The following MCM9 variants were observed in gnomAD, a reference collection of about 807,000 sequenced individuals.
MCM9 encodes DNA helicase MCM9.
A neutral mutation model predicts 72.8 loss-of-function variants in MCM9; 55 were observed. The ratio of observed to expected loss-of-function variants is 0.76; its 90% CI spans 0.61 to 0.95. MCM9 has a LOEUF of 0.95. MCM9 is among the 40% of genes least tolerant of loss of function. The probability of loss-of-function intolerance (pLI) is 0.00; values close to 1 mark genes in which losing one functional copy is unlikely to be tolerated. For missense variants in MCM9, 1,279 were observed against 1,377.0 expected (o/e 0.93, Z 1.13); for synonymous variants, 480 against 503.4 (o/e 0.95, Z 0.62).
chr6:118,895,834 A>C (rs1219228524), intron 8 of MCM9, among the ~76,000 whole-genome samples: 1 of 152,182 alleles, frequency 6.6e-6, no homozygotes, highest in Non-Finnish European at 1.5e-5. Flanking sequence ...GTGGCATGTA[A>C]AACTTTTCAT....
At chr6:118,926,479 T>C (rs1781903415) in intron 3 of MCM9, among the ~76,000 whole-genome samples, 1 of 152,248 alleles carries the variant, frequency 6.6e-6, no homozygotes, top group African/African-American at 2.4e-5. Context: ...CACTTTCGCA[T>C]ACTCATAAAG....
At chr6:118,856,658 T>C in intron 8 of MCM9, 113 bp from the exon 9 acceptor site, 1 of 1,150,300 alleles carries the variant, frequency 8.7e-7, no homozygotes, top group Non-Finnish European at 1.2e-6. Flanking sequence ...GTGAGAAGAT[T>C]TCTTGAACAC....
chr6:118,902,538 T>TG (rs1483884206), intron 8 of MCM9, among the ~76,000 whole-genome samples: 7 of 151,426 alleles, frequency 4.6e-5, no homozygotes, highest in East Asian at 3.9e-4. Context: ...CTTTTTTTTT[T>TG]TTTTTTTTGG....
chr6:118,907,621 A>G, intron 8 of MCM9: 1 of 1,607,264 alleles, frequency 6.2e-7, no homozygotes. Context: ...GTGACCACCT[A>G]CCATCCCTTT....
intron 12 of MCM9, 103 bp from the exon 13 acceptor site, chr6:118,826,395 C>T: frequency 8.6e-7 from 1 of 1,167,830 alleles, no homozygotes; most frequent in Admixed American, 2.9e-5. Flanking sequence ...CCGCCGTTTA[C>T]ACCCCTATAC....
intron 4 of MCM9, among the ~76,000 whole-genome samples, 171 bp downstream of exon 4, chr6:118,923,640 G>C (rs1162637679): frequency 3.3e-5 from 5 of 152,092 alleles, no homozygotes; most frequent in African/African-American, 2.4e-5. Flanking sequence ...TGATTGCATG[G>C]TTTCTAAAGA....
intron 8 of MCM9, among the ~76,000 whole-genome samples, chr6:118,904,289 G>C (rs1780014409): frequency 6.6e-6 from 1 of 152,174 alleles, no homozygotes; most frequent in Non-Finnish European, 1.5e-5. Flanking sequence ...TTTTAGCCTA[G>C]GACACTAGGT....
chr6:118,922,725 G>C (rs1187489315), intron 4 of MCM9, among the ~76,000 whole-genome samples: 1 of 152,156 alleles, frequency 6.6e-6, no homozygotes, highest in Non-Finnish European at 1.5e-5. Context: ...CATCAGAAGA[G>C]AAGCCATGTA....
intron 9 of MCM9, among the ~76,000 whole-genome samples, chr6:118,852,385 T>C (rs1426078970): frequency 1.3e-5 from 2 of 152,176 alleles, no homozygotes; most frequent in Non-Finnish European, 2.9e-5. Flanking sequence ...TACAGCTTTA[T>C]GTCTTCTCCT....
chr6:118,925,762 C>A (rs1353152173), intron 3 of MCM9, among the ~76,000 whole-genome samples: 5 of 152,084 alleles, frequency 3.3e-5, no homozygotes, highest in Admixed American at 3.3e-4. Context: ...TCGTTCATAT[C>A]CTAGAATGTT....
At chr6:118,933,488 G>A (rs1782616323) in intron 1 of MCM9, among the ~76,000 whole-genome samples, 1 of 143,296 alleles carries the variant, frequency 7.0e-6, no homozygotes, top group African/African-American at 2.6e-5. Context: ...CCCGGGCACA[G>A]AGCGAGACTC....
chr6:118,856,509 C>T lies in MCM9; in HGVS notation c.1187G>A (p.Trp396Ter), dbSNP rs1443169294. The T allele has an allele frequency of 2.6e-6, 4 of 1,535,516 alleles. No homozygotes were observed. Among genetic ancestry groups the T allele is most frequent in the African/African-American group, 2.7e-5 (2 of 73,032 alleles). ...TVTAVKDSGE[W>*]NLEAGALVLA... ...AACTAATGCCCCAGCCTCCAAATTC[C>T]ATTCTCCTGAGTCTTTTACAGCAGT... Residue 396 changes from tryptophan (W) to a stop codon, truncating the protein, a stop_gained, in exon 9 of 14, where the codon TGG (tryptophan) becomes TAG (stop). Coordinates refer to ENST00000619706, the MANE Select transcript of MCM9 (RefSeq NM_017696.3). LOFTEE classifies it high-confidence loss of function.
intron 13 of MCM9, among the ~76,000 whole-genome samples, chr6:118,824,273 T>TA (rs1299719806): frequency 2.0e-5 from 3 of 152,062 alleles, no homozygotes; most frequent in Non-Finnish European, 2.9e-5. Flanking sequence ...TGATAATTGT[T>TA]AAAGTTCTGC....
intron 13 of MCM9, among the ~76,000 whole-genome samples, chr6:118,823,650 C>T (rs542942545): frequency 4.6e-5 from 7 of 152,268 alleles, no homozygotes; most frequent in African/African-American, 1.7e-4. Flanking sequence ...CTTTAGAAAG[C>T]CTTTCCTGAC....
rs117779637 is a variant in MCM9, at chr6:118,902,448, C to T, written c.1150+9202G>A. 7.5e-3 allele frequency among the ~76,000 whole-genome samples: 1,147 copies of T among 151,988 alleles called. 8 individuals are homozygous for T. Among genetic ancestry groups the T allele is most frequent in the South Asian group, 0.029 (138 of 4,796 alleles). ...ATAAAAAAGCAGGACTTGCTCTGACCCACAGGCCTAAGGAACCCATACTTT... is the reference window on the plus strand; with the variant it reads ...ATAAAAAAGCAGGACTTGCTCTGACTCACAGGCCTAAGGAACCCATACTTT... On this transcript the variant is annotated intron_variant, in intron 8 of 13. Transcript: ENST00000619706.
rs376739285 is a variant in MCM9, at chr6:118,931,481, G to A, written c.243C>T (p.Leu81=). The part of the protein sequence containing the change: ...SALRRSALTI[L]QSLSQPEAVS... The stretch of plus-strand genomic sequence containing the variant: ...CAGCCTCAGGCTGAGAAAGGGACTG[G>A]AGAATTGTCAAGGCTGACCTTCGCA... The change falls in exon 3 of 14, where the codon CTC becomes CTT. Residue 81 remains leucine, a synonymous_variant. Coordinates refer to ENST00000619706, the MANE Select transcript of MCM9 (RefSeq NM_017696.3). The A allele has an allele frequency of 2.5e-6, 4 of 1,614,012 alleles. No homozygotes were observed. In the African/African-American group the frequency reaches 4.0e-5, roughly 16 times the overall value.
rs769565369 is a variant in MCM9, at chr6:118,931,690, C to T, written c.34G>A (p.Val12Met). Reference protein sequence around the residue: ...NSDQVTLVGQVFESYVSEYHK... With the variant: ...NSDQVTLVGQMFESYVSEYHK... ...TATTCCGAAACATATGACTCAAACA[C>T]TTGACCAACCAGTGTAACTTGATCG... The change falls in exon 3 of 14, where the codon GTG becomes ATG. Residue 12 changes from valine to methionine, a missense_variant. Val to Met is a conservative substitution (Grantham distance 21, BLOSUM62 1). Transcript: ENST00000619706. 7.6e-5 allele frequency: 122 copies of T among 1,613,626 alleles called. No homozygotes were observed. The East Asian group carries it at 2.6e-3, about 34-fold the overall frequency.
chr6:118,861,126 G>A (rs867700225), intron 8 of MCM9, among the ~76,000 whole-genome samples: 7 of 152,190 alleles, frequency 4.6e-5, no homozygotes, highest in African/African-American at 7.2e-5. Flanking sequence ...TGCCAGCTGT[G>A]GTGGAGCGGG....
chr6:118,915,023 ACTT>A lies in MCM9; in HGVS notation c.905-1606_905-1604del, dbSNP rs1039429805. Among the ~76,000 whole-genome samples, 3 of 152,230 alleles carry A rather than the reference ACTT, an allele frequency of 2.0e-5. No individual in the cohort carries two copies. In the East Asian group the frequency reaches 5.8e-4, roughly 29 times the overall value. ...TAATAACTGGCATATAGTGGGAACT[ACTT>A]AACTGTAACTGTTAGCTATTTTATT... On this transcript the variant is annotated intron_variant, in intron 6 of 13. Transcript: ENST00000619706.
Sources: gnomAD v4.1 joint callset for allele counts (sites outside exome capture counted in the v4.1 genomes callset) on GRCh38, gnomAD v4.1.1 for gene constraint, MANE v1.5 for transcripts, NCBI Gene and HGNC (gene_info 2026-07-23, HGNC 2026-07-21) for gene names.